Variants in VGLL4 observed in about 807,000 individuals in gnomAD.
VGLL4 encodes the protein vestigial like family member 4.
Under a neutral mutation model 21.0 loss-of-function variants are expected in VGLL4, and 7 were observed. The ratio of observed to expected loss-of-function variants is 0.33; its 90% CI spans 0.19 to 0.63. VGLL4 has a LOEUF of 0.63. VGLL4 is among the 20% of genes least tolerant of loss of function. The probability of loss-of-function intolerance (pLI) is 0.78; values close to 1 mark genes in which losing one functional copy is unlikely to be tolerated. For synonymous variants in VGLL4, 222 were observed against 173.2 expected (o/e 1.28, Z -2.21); for missense variants, 394 against 425.7 (o/e 0.93, Z 0.66).
At chr3:11,626,534 G>GA in intron 1 of VGLL4, 1 of 421,144 alleles carries the variant, frequency 2.4e-6, no homozygotes. Flanking sequence ...AGTAATATTT[G>GA]AAGGTACCAT....
chr3:11,693,183 AG>A, intron 2 of VGLL4: 1 of 190,220 alleles, frequency 5.3e-6, no homozygotes, highest in South Asian at 7.3e-5. Context: ...AAAAAAAAAA[AG>A]TAAATGAAAA....
intron 1 of VGLL4, among the ~76,000 whole-genome samples, chr3:11,636,651 C>T (rs978799494): frequency 2.6e-5 from 4 of 152,192 alleles, no homozygotes; most frequent in Non-Finnish European, 4.4e-5. Context: ...AGGAAAGTCG[C>T]TGTTCAGGCC....
chr3:11,657,624 A>G (rs948771768), intron 2 of VGLL4, among the ~76,000 whole-genome samples: 2 of 152,170 alleles, frequency 1.3e-5, no homozygotes, highest in Non-Finnish European at 2.9e-5. Flanking sequence ...TCTCTTCCGT[A>G]AAATGAAGAG....
At chr3:11,560,536 G>C (rs527790377) in intron 3 of VGLL4, among the ~76,000 whole-genome samples, 22 of 152,314 alleles carry the variant, frequency 1.4e-4, no homozygotes, top group African/African-American at 5.3e-4. Context: ...AGACACAAAA[G>C]GCTTGCATGC....
At chr3:11,667,842 C>CTTTTTTTTTTTTTTTTTTTTTTTTT (rs746416276) in intron 2 of VGLL4, among the ~76,000 whole-genome samples, 1 of 69,284 alleles carries the variant, frequency 1.4e-5, no homozygotes, top group Non-Finnish European at 2.6e-5. Flanking sequence ...CTATCTTCTT[C>CTTTTTTTTTTTTTTTTTTTTTTTTT]TTTTTTTTTT....
In VGLL4 at chr3:11,601,900, C is replaced by A; in HGVS notation, c.205G>T (p.Gly69Cys). 1 of 1,613,876 alleles carries A rather than the reference C, an allele frequency of 6.2e-7. No homozygotes were observed. The highest frequency in any genetic ancestry group is 8.5e-7 in the Non-Finnish European group (1 of 1,179,874). Residue 69 changes from glycine (G) to cysteine (C), a missense_variant, in exon 2 of 5, where the codon GGT becomes TGT. Gly to Cys is a radical substitution (Grantham distance 159). Transcript: ENST00000430365. ...TTGTCACAGTCTAGGTCCTCGTCAC[C>A]TGGCTCCATGCTGAACTTCCTCTTG... ...PSKRKFSMEP[G>C]DEDLDCDNDH...
At chr3:11,669,671 A>C (rs908465724) in intron 2 of VGLL4, among the ~76,000 whole-genome samples, 3 of 152,110 alleles carry the variant, frequency 2.0e-5, no homozygotes, top group East Asian at 3.8e-4. Context: ...AAGGAATTAG[A>C]ATAACTTTTT....
chr3:11,586,119 A>C (rs1039687253), intron 2 of VGLL4, among the ~76,000 whole-genome samples: 2 of 152,254 alleles, frequency 1.3e-5, no homozygotes. Context: ...AAAAGAATGT[A>C]AAAGAATTTT....
intron 1 of VGLL4, among the ~76,000 whole-genome samples, chr3:11,705,116 G>A (rs1185897386): frequency 2.6e-5 from 4 of 152,208 alleles, no homozygotes; most frequent in African/African-American, 9.6e-5. Context: ...ATGGGACCGC[G>A]GCTTGACACG....
chr3:11,661,086 G>C (rs912489991), intron 2 of VGLL4, among the ~76,000 whole-genome samples: 4 of 152,120 alleles, frequency 2.6e-5, no homozygotes, highest in African/African-American at 9.7e-5. Flanking sequence ...CACAAAGTGT[G>C]AGCAGCAGTC....
At chr3:11,640,826 A>G (rs1163043516) in intron 1 of VGLL4, among the ~76,000 whole-genome samples, 1 of 152,188 alleles carries the variant, frequency 6.6e-6, no homozygotes, top group Admixed American at 6.5e-5. Flanking sequence ...GGTTTAAGAA[A>G]GACAGTACAG....
In VGLL4 at chr3:11,628,797, G is replaced by A. The variant is rs138225786; in HGVS notation, c.82+14640C>T. On this transcript the variant is annotated intron_variant, in intron 1 of 4. Transcript: ENST00000430365. ...ATCGCACCACTTCACTCCAGCCTGA[G>A]TGACAGAGCGAGACTCTGTCTCAAA... 3.8e-3 allele frequency among the ~76,000 whole-genome samples: 574 copies of A among 152,350 alleles called. 8 individuals carry two copies. Among genetic ancestry groups the A allele is most frequent in the African/African-American group, 0.013 (520 of 41,582 alleles).
At chr3:11,704,801 C>A (rs1292895731) in intron 1 of VGLL4, among the ~76,000 whole-genome samples, 1 of 152,178 alleles carries the variant, frequency 6.6e-6, no homozygotes, top group Non-Finnish European at 1.5e-5. Context: ...AAACGCATCT[C>A]AGGGAACATC....
At chr3:11,598,395 A>G (rs1009673533) in intron 2 of VGLL4, among the ~76,000 whole-genome samples, 2 of 152,098 alleles carry the variant, frequency 1.3e-5, no homozygotes, top group South Asian at 2.1e-4. Flanking sequence ...ATGTCTCCAT[A>G]TGATGCTTAT....
chr3:11,656,906 G>A (rs549149905), intron 2 of VGLL4, among the ~76,000 whole-genome samples: 2 of 152,306 alleles, frequency 1.3e-5, no homozygotes, highest in East Asian at 1.9e-4. Flanking sequence ...AGGGGGTCTG[G>A]AAAGGAAGGA....
chr3:11,721,004 C>A (rs1304061617), upstream of VGLL4, among the ~76,000 whole-genome samples: 2 of 152,172 alleles, frequency 1.3e-5, no homozygotes, highest in East Asian at 1.9e-4. Context: ...ACATATCCAG[C>A]GGCTAACTTC....
At chr3:11,688,019 T>C (rs1575531957) in intron 2 of VGLL4, among the ~76,000 whole-genome samples, 1 of 152,198 alleles carries the variant, frequency 6.6e-6, no homozygotes, top group Non-Finnish European at 1.5e-5. Context: ...TTTCATGAAA[T>C]ACTTTTTTAG....
At position 11,653,486 on chromosome 3, in the gene VGLL4, T is replaced by C. The variant is rs2075908982; in HGVS notation, c.64+49485A>G. Among the ~76,000 whole-genome samples the C allele has an allele frequency of 6.6e-6, 1 of 152,202 alleles. No individual in the cohort carries two copies. The highest frequency in any genetic ancestry group is 1.5e-5 in the Non-Finnish European group (1 of 68,036). ...TGCATAGCATTCATTTGCATTGCTG[T>C]CTAGTACTCCATTACTCCAATATAT... On this transcript the variant is annotated intron_variant, in intron 2 of 5. Coordinates refer to the VGLL4 transcript ENST00000273038. This position sits in a 1 kb window ranked among gnomAD's most constrained non-coding sequence, Gnocchi z 4.2.
chr3:11,641,104 C>G (rs1045115521), intron 1 of VGLL4, among the ~76,000 whole-genome samples: 6 of 117,042 alleles, frequency 5.1e-5, no homozygotes, highest in Non-Finnish European at 8.2e-5. Flanking sequence ...GGGACAAGAG[C>G]GAGACTTCAT....
Sources: allele counts gnomAD v4.1 joint callset (sites outside exome capture counted in the v4.1 genomes callset), GRCh38; gene constraint gnomAD v4.1.1; non-coding constraint Gnocchi (gnomAD v3.1); transcripts MANE v1.5; gene names NCBI Gene and HGNC (gene_info 2026-07-23, HGNC 2026-07-21).